PTPRD: variants seen among roughly 807,000 people sequenced by gnomAD.
PTPRD encodes the protein receptor-type tyrosine-protein phosphatase delta.
A neutral mutation model predicts 214.5 loss-of-function variants in PTPRD; 34 were observed. That is an observed-to-expected ratio of 0.16 (90% confidence interval 0.12 to 0.21). The LOEUF (loss-of-function observed/expected upper bound fraction) is 0.21. Among genes scored for constraint, PTPRD ranks in the 10% least tolerant of loss-of-function variants. The probability of loss-of-function intolerance (pLI) is 1.00; values close to 1 mark genes in which losing one functional copy is unlikely to be tolerated. For synonymous variants in PTPRD, 1,128 were observed against 845.7 expected (o/e 1.33, Z -5.79); for missense variants, 2,545 against 2,398.7 (o/e 1.06, Z -1.27).
At chr9:8,447,075 A>G (rs2095760066) in intron 34 of PTPRD, among the ~76,000 whole-genome samples, 1 of 152,230 alleles carries the variant, frequency 6.6e-6, no homozygotes, top group South Asian at 2.1e-4. Context: ...TGGCAAATAA[A>G]CAATTTCAGC....
chr9:8,988,977 G>A (rs962976675), intron 11 of PTPRD, among the ~76,000 whole-genome samples: 1 of 151,970 alleles, frequency 6.6e-6, no homozygotes, highest in African/African-American at 2.4e-5. Flanking sequence ...CTATACAAAT[G>A]TTTACATAAG....
chr9:8,754,980 A>C (rs544482593), intron 11 of PTPRD, among the ~76,000 whole-genome samples: 1 of 152,258 alleles, frequency 6.6e-6, no homozygotes, highest in African/African-American at 2.4e-5. Flanking sequence ...GCCATTAAAG[A>C]AATGCAAATT....
intron 4 of PTPRD, among the ~76,000 whole-genome samples, chr9:10,000,468 A>G (rs901236432): frequency 6.6e-6 from 1 of 152,108 alleles, no homozygotes; most frequent in Non-Finnish European, 1.5e-5. Context: ...TCAGGAGAAG[A>G]CCCAACTGCT....
chr9:10,032,370 G>T (rs1287862862), intron 4 of PTPRD, among the ~76,000 whole-genome samples: 3 of 152,168 alleles, frequency 2.0e-5, no homozygotes, highest in East Asian at 3.8e-4. Context: ...TGTGCCAACA[G>T]ATGGCAACTT....
intron 11 of PTPRD, among the ~76,000 whole-genome samples, chr9:8,774,919 G>A (rs1251938646): frequency 6.6e-6 from 1 of 152,046 alleles, no homozygotes; most frequent in Non-Finnish European, 1.5e-5. Context: ...ATTATATGGT[G>A]CCATATTTTC....
chr9:9,961,041 C>T (rs1482905103), intron 4 of PTPRD, among the ~76,000 whole-genome samples: 2 of 151,948 alleles, frequency 1.3e-5, no homozygotes, highest in East Asian at 3.9e-4. Flanking sequence ...ATTTATGCAG[C>T]CAACAGACAC....
At chr9:9,580,144 T>C (rs2090281016) in intron 7 of PTPRD, among the ~76,000 whole-genome samples, 1 of 152,154 alleles carries the variant, frequency 6.6e-6, no homozygotes, top group Non-Finnish European at 1.5e-5. Context: ...ATAACTTTGC[T>C]ATTGTGAATA....
At chr9:8,527,625 A>T (rs1327475210) in intron 15 of PTPRD, among the ~76,000 whole-genome samples, 1 of 152,116 alleles carries the variant, frequency 6.6e-6, no homozygotes, top group Non-Finnish European at 1.5e-5. Context: ...ACAACTTAGA[A>T]TTCTATACCA....
intron 11 of PTPRD, among the ~76,000 whole-genome samples, chr9:8,922,749 C>A (rs918635233): frequency 6.6e-6 from 1 of 152,016 alleles, no homozygotes; most frequent in Non-Finnish European, 1.5e-5. Flanking sequence ...CGGGTTCAAG[C>A]AATTCTCCTG....
intron 12 of PTPRD, among the ~76,000 whole-genome samples, chr9:8,670,020 T>C (rs80122498): frequency 1.5e-5 from 2 of 129,924 alleles, no homozygotes; most frequent in East Asian, 2.5e-4. Flanking sequence ...TTTCTGCCTC[T>C]TTTTTTTTTT....
At chr9:9,417,607 G>A (rs1363674564) in intron 8 of PTPRD, among the ~76,000 whole-genome samples, 1 of 152,064 alleles carries the variant, frequency 6.6e-6, no homozygotes, top group Non-Finnish European at 1.5e-5. Context: ...CCTGAGGGAA[G>A]TTGAGTTAAA....
At chr9:8,509,701 TC>T (rs2097634931) in intron 21 of PTPRD, among the ~76,000 whole-genome samples, 1 of 152,358 alleles carries the variant, frequency 6.6e-6, no homozygotes, top group East Asian at 1.9e-4. Context: ...TTGAGTAAAT[TC>T]CCGGTTGGTC....
Position 8,500,794 on chromosome 9 carries a change from G to C in PTPRD, c.2088C>G (p.Gly696=). 6.2e-7 allele frequency: 1 copy of C among 1,614,122 alleles called. No homozygotes were observed. The highest frequency in any genetic ancestry group is 1.7e-5 in the Admixed American group (1 of 60,012). The change falls in exon 24 of 46, where the codon GGC becomes GGG. Residue 696 remains glycine (G), a synonymous_variant. Coordinates refer to ENST00000381196, the MANE Select transcript of PTPRD (RefSeq NM_002839.4). ...GAATCAACACGGACAAGCTCTCAGG[G>C]CCAGGGCCGACATCTGTATGGGCTG... ...TVTAHTDVGP[G]PESLSVLIRT...
At chr9:8,838,618 T>G (rs190330203) in intron 11 of PTPRD, among the ~76,000 whole-genome samples, 1 of 146,104 alleles carries the variant, frequency 6.8e-6, no homozygotes, top group Non-Finnish European at 1.5e-5. Flanking sequence ...TTTGACAGAT[T>G]TTTTTTTTAC....
At chr9:8,320,424 G>A (rs1302577146) in intron 44 of PTPRD, among the ~76,000 whole-genome samples, 33 of 151,960 alleles carry the variant, frequency 2.2e-4, no homozygotes, top group Admixed American at 2.2e-3. Flanking sequence ...AAATACATAT[G>A]CGATGCCCAT....
chr9:10,482,237 G>A (rs887891912), intron 2 of PTPRD, among the ~76,000 whole-genome samples: 67 of 151,994 alleles, frequency 4.4e-4, no homozygotes, highest in Admixed American at 1.2e-3. Flanking sequence ...CGGGCGTGGT[G>A]GCGGGTGCCT....
chr9:10,177,280 C>T (rs2099254331), intron 3 of PTPRD, among the ~76,000 whole-genome samples: 1 of 151,356 alleles, frequency 6.6e-6, no homozygotes, highest in Admixed American at 6.6e-5. Context: ...TGTGGAAGTT[C>T]AGGGAAGAGA....
At chr9:8,834,787 C>T (rs1326460457) in intron 11 of PTPRD, among the ~76,000 whole-genome samples, 3 of 152,148 alleles carry the variant, frequency 2.0e-5, no homozygotes, top group African/African-American at 7.2e-5. Flanking sequence ...TTGTAACAAA[C>T]ACCCCAATGG....
chr9:9,423,636 T>C (rs1445234338), intron 8 of PTPRD, among the ~76,000 whole-genome samples: 1 of 152,098 alleles, frequency 6.6e-6, no homozygotes, highest in Non-Finnish European at 1.5e-5. Flanking sequence ...TGTGTTAAAA[T>C]AGTCAGGATG....
Sources: allele counts gnomAD v4.1 joint callset (sites outside exome capture counted in the v4.1 genomes callset), GRCh38; gene constraint gnomAD v4.1.1; transcripts MANE v1.5; gene names NCBI Gene and HGNC (gene_info 2026-07-23, HGNC 2026-07-21).